IGSF21: variants seen among roughly 807,000 people sequenced by gnomAD.
IGSF21 encodes the protein immunoglobin superfamily member 21.
IGSF21 carries 28 observed loss-of-function variants against 46.8 expected under a neutral mutation model. That is an observed-to-expected ratio of 0.60 (90% CI 0.44 to 0.82). The LOEUF (loss-of-function observed/expected upper bound fraction) is 0.82. Ranked by LOEUF, IGSF21 falls within the 40% of genes least tolerant of loss-of-function variation. The pLI, the probability that IGSF21 is intolerant of heterozygous loss-of-function variation, is 0.00. For missense variants in IGSF21, 624 were observed against 665.5 expected, an observed-to-expected ratio of 0.94 and a Z score of 0.69; for synonymous variants, 284 against 273.6, an observed-to-expected ratio of 1.04 and a Z score of -0.38.
intron 4 of IGSF21, among the ~76,000 whole-genome samples, chr1:18,350,338 A>G (rs1268428208): frequency 6.6e-6 from 1 of 152,192 alleles, no homozygotes; most frequent in Non-Finnish European, 1.5e-5. Flanking sequence ...TCGAGGTCCC[A>G]ATACCTGGGT....
At chr1:18,318,465 C>CGT (rs60257732) in intron 3 of IGSF21, among the ~76,000 whole-genome samples, 77,081 of 148,580 alleles carry the variant, frequency 0.52, 21,021 homozygotes, top group East Asian at 0.8. Flanking sequence ...TGCGTGCGTG[C>CGT]GTGTGTGTGT....
intron 2 of IGSF21, among the ~76,000 whole-genome samples, chr1:18,275,373 G>C (rs1483793448): frequency 6.6e-6 from 1 of 152,188 alleles, no homozygotes; most frequent in Admixed American, 6.5e-5. Flanking sequence ...CAAGGGGATG[G>C]AGAACTGACC....
At chr1:18,287,052 G>A (rs2085218535) in intron 2 of IGSF21, among the ~76,000 whole-genome samples, 2 of 151,088 alleles carry the variant, frequency 1.3e-5, no homozygotes, top group African/African-American at 2.4e-5. Context: ...GTAGTGGCGG[G>A]CACCTGTAGT....
At chr1:18,149,363 G>C (rs143824204) in intron 1 of IGSF21, among the ~76,000 whole-genome samples, 1 of 152,202 alleles carries the variant, frequency 6.6e-6, no homozygotes. Context: ...CATGCACAGC[G>C]GGGATGACAC....
intron 1 of IGSF21, chr1:18,114,231 G>A (rs1338730185): frequency 6.6e-6 from 1 of 152,140 alleles, no homozygotes; most frequent in East Asian, 1.9e-4. Context: ...TTCCCCGCTA[G>A]TAAAATGTAC....
intron 2 of IGSF21, among the ~76,000 whole-genome samples, chr1:18,286,195 C>T (rs947339212): frequency 2.0e-5 from 3 of 152,250 alleles, no homozygotes; most frequent in African/African-American, 7.2e-5. Context: ...GAGCGGTCAG[C>T]TCTGCTGTTT....
In IGSF21 at chr1:18,294,254, G is replaced by A. The variant is rs186909320; in HGVS notation, c.305+2267G>A. On this transcript the variant is annotated intron_variant, in intron 3 of 9. Coordinates refer to ENST00000251296, the MANE Select transcript of IGSF21 (RefSeq NM_032880.5). The stretch of plus-strand genomic sequence containing the variant: ...CTGCAAGTTGTGAGGAGCTGATGGC[G>A]TGCATTCAAGTGAAGTGCTGGTTTC... Among the ~76,000 whole-genome samples, 13 of 152,270 alleles carry A rather than the reference G, an allele frequency of 8.5e-5. No homozygotes were observed. The East Asian group carries it at 1.9e-3, about 23-fold the overall frequency.
chr1:18,250,814 A>G (rs1337123567), intron 2 of IGSF21, among the ~76,000 whole-genome samples: 1 of 152,222 alleles, frequency 6.6e-6, no homozygotes, highest in Non-Finnish European at 1.5e-5. Flanking sequence ...GTAATGGTGA[A>G]TAAGACAAAC....
At chr1:18,260,905 C>T (rs557712150) in intron 2 of IGSF21, among the ~76,000 whole-genome samples, 152 of 152,290 alleles carry the variant, frequency 1.0e-3, no homozygotes, top group African/African-American at 3.4e-3. Flanking sequence ...GCCTTTTCCA[C>T]GTGGAGGTGT....
chr1:18,283,492 C>T (rs1466248541), intron 2 of IGSF21, among the ~76,000 whole-genome samples: 6 of 152,160 alleles, frequency 3.9e-5, no homozygotes, highest in Admixed American at 2.0e-4. Flanking sequence ...ACTGCAAGAG[C>T]GGTTTCAGGG....
At chr1:18,193,106 G>A (rs776879683) in intron 1 of IGSF21, among the ~76,000 whole-genome samples, 1 of 152,078 alleles carries the variant, frequency 6.6e-6, no homozygotes, top group African/African-American at 2.4e-5. Context: ...GGGGGTGAGG[G>A]CTGTGTCCAG....
Position 18,312,550 on chromosome 1 carries a change from C to T in IGSF21, c.305+20563C>T, listed in dbSNP as rs146074809. On this transcript the variant is annotated intron_variant, in intron 3 of 9. Coordinates refer to ENST00000251296, the MANE Select transcript of IGSF21 (RefSeq NM_032880.5). ...GGAGGCTCAGGGGACAGTCTGCTTC[C>T]TTGCCTTTTGCAGCTTCTAGAGCCC... Among the ~76,000 whole-genome samples the T allele has an allele frequency of 3.3e-5, 5 of 152,324 alleles. No individual in the cohort carries two copies. The South Asian group carries it at 8.3e-4, about 25-fold the overall frequency.
In IGSF21 at chr1:18,365,554, G is replaced by T. The variant is rs149943630; in HGVS notation, c.872G>T (p.Arg291Leu). Residue 291 changes from arginine (R) to leucine (L), a missense_variant, in exon 6 of 10, where the codon CGC (arginine) becomes CTC (leucine). Transcript: ENST00000251296. The surrounding 1 kb of genome is among the most constrained non-coding windows in gnomAD (Gnocchi z 4.8). ...AEPTYFLRHS[R>L]TPSSDGTVEV... ...CCCACCTACTTCCTGCGCCACAGCC[G>T]CACCCCGAGCAGTGACGGCACTGTG... 7.4e-6 allele frequency: 12 copies of T among 1,613,978 alleles called. No homozygotes were observed. Among genetic ancestry groups the T allele is most frequent in the African/African-American group, 1.3e-5 (1 of 74,870 alleles).
chr1:18,239,869 C>T (rs981275644), intron 2 of IGSF21, among the ~76,000 whole-genome samples: 3 of 152,080 alleles, frequency 2.0e-5, no homozygotes, highest in Admixed American at 6.5e-5. Flanking sequence ...TCTCAAAATA[C>T]TAAGCACGTG....
chr1:18,281,196 C>G (rs191089685), intron 2 of IGSF21, among the ~76,000 whole-genome samples: 120 of 152,212 alleles, frequency 7.9e-4, no homozygotes, highest in Non-Finnish European at 1.1e-3. Flanking sequence ...AATGAATGAA[C>G]AGGTGAGTGA....
At chr1:18,125,741 C>G (rs918642128) in intron 1 of IGSF21, among the ~76,000 whole-genome samples, 15 of 152,196 alleles carry the variant, frequency 9.9e-5, no homozygotes, top group Admixed American at 3.3e-4. Context: ...GACCAGCCAG[C>G]TAACACATAC....
chr1:18,237,566 G>T (rs892564604), intron 2 of IGSF21, among the ~76,000 whole-genome samples: 2 of 152,086 alleles, frequency 1.3e-5, no homozygotes, highest in African/African-American at 2.4e-5. Context: ...TCTCTTTTCC[G>T]CCTGGGCAAA....
At chr1:18,362,270 G>A (rs370754095) in intron 5 of IGSF21, 40 bp downstream of exon 5, 80 of 1,427,840 alleles carry the variant, frequency 5.6e-5, no homozygotes, top group Middle Eastern at 5.3e-4. Context: ...CCTATCTGCC[G>A]GACCACCCTG....
chr1:18,334,414 T>A lies in IGSF21; in HGVS notation c.306-478T>A, dbSNP rs2085744827. On this transcript the variant is annotated intron_variant, in intron 3 of 9. Transcript: ENST00000251296. This position sits in a 1 kb window ranked among gnomAD's most constrained non-coding sequence, Gnocchi z 4.3. Reference sequence around the variant, plus strand: ...TTCCATACTGGTTCTTATTAGCAATTGAGTTCCGTCCTGAGCCTCAGTTTC... The same window carrying A: ...TTCCATACTGGTTCTTATTAGCAATAGAGTTCCGTCCTGAGCCTCAGTTTC... 1.3e-5 allele frequency among the ~76,000 whole-genome samples: 2 copies of A among 152,148 alleles called. No individual in the cohort carries two copies. The highest frequency in any genetic ancestry group is 1.3e-4 in the Admixed American group (2 of 15,280).
Sources: allele counts gnomAD v4.1 joint callset (sites outside exome capture counted in the v4.1 genomes callset), GRCh38; gene constraint gnomAD v4.1.1; non-coding constraint Gnocchi (gnomAD v3.1); transcripts MANE v1.5; gene names NCBI Gene and HGNC (gene_info 2026-07-23, HGNC 2026-07-21).